The following ADARB1 variants were observed in gnomAD, a reference collection of about 807,000 sequenced individuals.
The protein encoded by ADARB1 is double-stranded RNA-specific editase 1.
Under a neutral mutation model 52.4 loss-of-function variants are expected in ADARB1, and 10 were observed. The observed-to-expected ratio is 0.19, with a 90% CI of 0.12 to 0.32. The LOEUF (loss-of-function observed/expected upper bound fraction) is 0.32, where lower values mean the gene tolerates loss of function less well. Among genes scored for constraint, ADARB1 ranks in the 10% least tolerant of loss-of-function variants. ADARB1 has a pLI of 1.00. For synonymous variants in ADARB1, 349 were observed against 371.1 expected (o/e 0.94, Z 0.68); for missense variants, 643 against 922.3 (o/e 0.70, Z 3.92).
At chr21:45,155,778 T>TCCAC (rs59337202) in intron 2 of ADARB1, among the ~76,000 whole-genome samples, 1 of 79,648 alleles carries the variant, frequency 1.3e-5, no homozygotes, top group African/African-American at 6.0e-5. Flanking sequence ...CATCCATCCA[T>TCCAC]CCACCCACCC....
intron 1 of ADARB1, among the ~76,000 whole-genome samples, chr21:45,116,031 T>C (rs2087804607): frequency 6.6e-6 from 1 of 152,252 alleles, no homozygotes; most frequent in African/African-American, 2.4e-5. Flanking sequence ...GCATTCTTGC[T>C]GAGTGCAGAC....
chr21:45,126,531 C>T (rs931383317), intron 1 of ADARB1, among the ~76,000 whole-genome samples: 5 of 152,290 alleles, frequency 3.3e-5, no homozygotes, highest in South Asian at 4.1e-4. Flanking sequence ...TTAATCCTCA[C>T]GGCACCATCT....
In ADARB1 at chr21:45,224,339, A is replaced by T. The variant is rs1234033539; in HGVS notation, c.*2142A>T. 1 of 985,306 alleles carries T rather than the reference A, an allele frequency of 1.0e-6. No individual in the cohort carries two copies. The highest frequency in any genetic ancestry group is 1.7e-5 in the African/African-American group (1 of 57,212). The allele number at this position is 985,306 out of a possible 1,614,324, so 61.0% of individuals were successfully genotyped here. On this transcript the variant is annotated 3_prime_UTR_variant, in exon 11 of 11. Transcript: ENST00000348831. ...ACCACCCCAAATAAGTGAGTGCCTC[A>T]CCTTGTGGGGCCTGAGCAGCTACCT...
chr21:45,181,179 G>A (rs746906426), intron 5 of ADARB1, among the ~76,000 whole-genome samples: 10 of 152,328 alleles, frequency 6.6e-5, no homozygotes, highest in Non-Finnish European at 1.3e-4. Flanking sequence ...GGAGGAAGCT[G>A]GGGACAGTTT....
At chr21:45,145,075 A>G (rs548025029) in intron 2 of ADARB1, 1 of 153,656 alleles carries the variant, frequency 6.5e-6, no homozygotes, top group South Asian at 2.0e-4. Flanking sequence ...TTTGTGTTTT[A>G]TAGACTAGTC....
intron 2 of ADARB1, chr21:45,152,683 G>T (rs141515801): frequency 1.5e-4 from 68 of 447,136 alleles, no homozygotes; most frequent in Middle Eastern, 6.6e-4. Flanking sequence ...ATAAAAGGAG[G>T]CGCAAGAAGC....
intron 8 of ADARB1, among the ~76,000 whole-genome samples, chr21:45,203,192 C>T (rs2092596912): frequency 1.3e-5 from 2 of 151,872 alleles, no homozygotes; most frequent in Admixed American, 1.3e-4. Context: ...TGCTTAGGGG[C>T]CCCTGCCCTG....
Position 45,222,199 on chromosome 21 carries a change from C to G in ADARB1, c.*2C>G. 1.9e-6 allele frequency: 3 copies of G among 1,560,214 alleles called. No homozygotes were observed. Among genetic ancestry groups the G allele is most frequent in the Middle Eastern group, 1.7e-4 (1 of 5,750 alleles). ...GACCAGTTCTCACTCACGCCCTGAC[C>G]CGGGCAGACATGATGGGGGGTGCAG... On this transcript the variant is annotated 3_prime_UTR_variant, in exon 11 of 11. Transcript: ENST00000348831.
At chr21:45,085,256 C>CT (rs903082480) in intron 1 of ADARB1, among the ~76,000 whole-genome samples, 1 of 152,180 alleles carries the variant, frequency 6.6e-6, no homozygotes, top group African/African-American at 2.4e-5. Flanking sequence ...AGAATTCTGG[C>CT]TTTTGTCTTA....
intron 3 of ADARB1, among the ~76,000 whole-genome samples, chr21:45,175,029 A>G (rs1386317281): frequency 1.3e-5 from 2 of 152,250 alleles, no homozygotes; most frequent in African/African-American, 2.4e-5. Context: ...CCCATATATA[A>G]TATTCTCATT....
At chr21:45,101,239 A>G (rs1205730090) in intron 1 of ADARB1, 1 of 152,168 alleles carries the variant, frequency 6.6e-6, no homozygotes, top group Non-Finnish European at 1.5e-5. Flanking sequence ...CGCGCGCCGT[A>G]GCGCTCCGGA....
intron 2 of ADARB1, among the ~76,000 whole-genome samples, chr21:45,161,978 G>A (rs927976980): frequency 6.6e-6 from 1 of 152,162 alleles, no homozygotes; most frequent in Non-Finnish European, 1.5e-5. Flanking sequence ...CCTTCCACTT[G>A]TCCACGCACC....
At position 45,222,721 on chromosome 21, in the gene ADARB1, G is replaced by A. The variant is rs377286072; in HGVS notation, c.*524G>A. ...AGGAAATAGTAGCCTAAAGGAAATC[G>A]CCACACGTCTGTCTAAACTTAGGTC... On this transcript the variant is annotated 3_prime_UTR_variant, in exon 11 of 11. Transcript: ENST00000348831. 162 of 986,090 alleles carry A rather than the reference G, an allele frequency of 1.6e-4. No homozygotes were observed. In the South Asian group the frequency reaches 3.5e-3, roughly 21 times the overall value. The allele number at this position is 986,090 out of a possible 1,614,324, so 61.1% of individuals were successfully genotyped here. A position where few individuals can be genotyped will look rare whatever the true frequency, so the allele number is the denominator to read the frequency against.
chr21:45,190,417 T>G (rs982203083), intron 8 of ADARB1, among the ~76,000 whole-genome samples: 4 of 152,204 alleles, frequency 2.6e-5, no homozygotes, highest in African/African-American at 9.7e-5. Context: ...TTTAAATTCT[T>G]TTTTAGACAG....
At chr21:45,144,240 A>G (rs2089898073) in intron 2 of ADARB1, among the ~76,000 whole-genome samples, 1 of 152,194 alleles carries the variant, frequency 6.6e-6, no homozygotes, top group Non-Finnish European at 1.5e-5. Flanking sequence ...CCCTTCTTAT[A>G]AGAGTAGAAA....
At chr21:45,159,764 A>C (rs1302067248) in intron 2 of ADARB1, among the ~76,000 whole-genome samples, 1 of 152,148 alleles carries the variant, frequency 6.6e-6, no homozygotes, top group Non-Finnish European at 1.5e-5. Flanking sequence ...CAGCAGTGTG[A>C]ACAAGGTATG....
chr21:45,144,780 T>C (rs2089924827), intron 2 of ADARB1: 1 of 356,200 alleles, frequency 2.8e-6, no homozygotes, highest in Non-Finnish European at 5.7e-6. Flanking sequence ...ACCTTTCCAC[T>C]TGCTGGCACA....
chr21:45,169,927 C>T (rs1365719303), intron 2 of ADARB1, among the ~76,000 whole-genome samples: 1 of 152,246 alleles, frequency 6.6e-6, no homozygotes, highest in Non-Finnish European at 1.5e-5. Context: ...CCAGGAGGCT[C>T]CTGGGAGCAC....
chr21:45,157,616 C>T lies in ADARB1; in HGVS notation c.-47-13994C>T, dbSNP rs2146004869. Among the ~76,000 whole-genome samples, 1 of 152,316 alleles carries T rather than the reference C, an allele frequency of 6.6e-6. No individual in the cohort carries two copies. Among genetic ancestry groups the T allele is most frequent in the Admixed American group, 6.5e-5 (1 of 15,294 alleles). On this transcript the variant is annotated intron_variant, in intron 2 of 10. Transcript: ENST00000348831. The surrounding 1 kb of genome is among the most constrained non-coding windows in gnomAD (Gnocchi z 4.1). Reference sequence around the variant, plus strand: ...TTTCTAAAGCTTGCCATTGCTTAGGCATGCCTGACTGAGGCGGGAAACAAG... The same window carrying T: ...TTTCTAAAGCTTGCCATTGCTTAGGTATGCCTGACTGAGGCGGGAAACAAG...
Sources: allele counts gnomAD v4.1 joint callset (sites outside exome capture counted in the v4.1 genomes callset), GRCh38; gene constraint gnomAD v4.1.1; non-coding constraint Gnocchi (gnomAD v3.1); transcripts MANE v1.5; gene names NCBI Gene and HGNC (gene_info 2026-07-23, HGNC 2026-07-21).